Variants in TMEM132C observed in about 807,000 individuals in gnomAD.
TMEM132C encodes transmembrane protein 132C, also known as protein phosphatase 1, regulatory subunit 152.
TMEM132C carries 29 observed loss-of-function variants against 61.4 expected under a neutral mutation model. The observed-to-expected ratio is 0.47, with a 90% confidence interval of 0.35 to 0.64. The LOEUF (loss-of-function observed/expected upper bound fraction) is 0.64. Ranked by LOEUF, TMEM132C falls within the 30% of genes least tolerant of loss-of-function variation. The probability of loss-of-function intolerance (pLI) is 0.00; values close to 1 mark genes in which losing one functional copy is unlikely to be tolerated. For synonymous variants in TMEM132C, 656 were observed against 633.1 expected (o/e 1.04, Z -0.54); for missense variants, 1,408 against 1,476.9 (o/e 0.95, Z 0.76).
rs373444272 is a variant in TMEM132C, at chr12:128,565,267, A to G, written c.1121+21164A>G. On this transcript the variant is annotated intron_variant, in intron 3 of 8. Coordinates refer to ENST00000435159, the MANE Select transcript of TMEM132C (RefSeq NM_001136103.3). ...GATCTTGGAAGCAGATCCTTCTCCA[A>G]CTATGCCTTCATATAAGACCCCGGC... is the stretch of plus-strand genomic sequence containing the variant. 1.6e-4 allele frequency among the ~76,000 whole-genome samples: 24 copies of G among 152,312 alleles called. No homozygotes were observed. In the East Asian group the frequency reaches 2.1e-3, roughly 13 times the overall value.
chr12:128,399,265 T>C (rs1277733631), intron 1 of TMEM132C, among the ~76,000 whole-genome samples: 1 of 152,192 alleles, frequency 6.6e-6, no homozygotes, highest in Non-Finnish European at 1.5e-5. Flanking sequence ...ATAAGCTCTT[T>C]ATTTTTGAGG....
At chr12:128,400,809 C>T (rs1875131076) in intron 1 of TMEM132C, among the ~76,000 whole-genome samples, 1 of 151,886 alleles carries the variant, frequency 6.6e-6, no homozygotes, top group East Asian at 1.9e-4. Context: ...GGGGTTTCAC[C>T]ATGTTGGCCA....
intron 1 of TMEM132C, among the ~76,000 whole-genome samples, chr12:128,300,052 A>AACCT (rs1483152338): frequency 6.6e-6 from 1 of 152,232 alleles, no homozygotes; most frequent in Non-Finnish European, 1.5e-5. Context: ...CAAGACAGGT[A>AACCT]AGAGCAAGAG....
rs758763082 is a variant in TMEM132C, at chr12:128,665,455, TCACA to T, written c.1306-3953_1306-3950del. On this transcript the variant is annotated intron_variant, in intron 4 of 8. Coordinates refer to ENST00000435159, the MANE Select transcript of TMEM132C (RefSeq NM_001136103.3). ...CACATGTAGCCATACACGTAGGCACTCACACACACACAAACATAGGCGCACACAC... is the reference window on the plus strand; with the variant it reads ...CACATGTAGCCATACACGTAGGCACTCACACACAAACATAGGCGCACACAC... Among the ~76,000 whole-genome samples, 149 of 93,726 alleles carry T rather than the reference TCACA, an allele frequency of 1.6e-3. 2 individuals carry two copies. The highest frequency in any genetic ancestry group is 2.4e-3 in the Admixed American group (23 of 9,496). The allele number at this position is 93,726 out of a possible 152,430, so 61.5% of individuals were successfully genotyped here.
chr12:128,336,613 T>G (rs185799599), intron 1 of TMEM132C, among the ~76,000 whole-genome samples: 1 of 152,372 alleles, frequency 6.6e-6, no homozygotes, highest in East Asian at 1.9e-4. Flanking sequence ...ACTGCTACTA[T>G]GCACAGGAAT....
intron 2 of TMEM132C, among the ~76,000 whole-genome samples, chr12:128,478,508 T>G (rs908690479): frequency 4.6e-5 from 7 of 152,186 alleles, no homozygotes; most frequent in African/African-American, 1.7e-4. Context: ...TGGACTCTTA[T>G]CCCGGACTTT....
chr12:128,608,841 G>T (rs562190286), intron 3 of TMEM132C, among the ~76,000 whole-genome samples: 1 of 152,246 alleles, frequency 6.6e-6, no homozygotes, highest in South Asian at 2.1e-4. Flanking sequence ...GGAGGGGGAG[G>T]CTCAGGTTTC....
Position 128,570,639 on chromosome 12 carries a change from C to T in TMEM132C, c.1121+26536C>T, listed in dbSNP as rs1411445509. 3.3e-5 allele frequency among the ~76,000 whole-genome samples: 5 copies of T among 152,126 alleles called. No homozygotes were observed. The highest frequency in any genetic ancestry group is 7.3e-5 in the Non-Finnish European group (5 of 68,030). On this transcript the variant is annotated intron_variant, in intron 3 of 8. Transcript: ENST00000435159. This position sits in a 1 kb window ranked among gnomAD's most constrained non-coding sequence, Gnocchi z 4.7. Reference sequence around the variant, plus strand: ...TCCACAACGCCAGGGGACCCAGGCTCCTTTTCTCTTTCTGCTCTGCCATCT... The same window carrying T: ...TCCACAACGCCAGGGGACCCAGGCTTCTTTTCTCTTTCTGCTCTGCCATCT...
At chr12:128,557,361 T>C (rs1019623823) in intron 3 of TMEM132C, among the ~76,000 whole-genome samples, 13 of 152,198 alleles carry the variant, frequency 8.5e-5, no homozygotes, top group African/African-American at 3.1e-4. Context: ...TCAGCATCTG[T>C]CCTGAAATGA....
intron 1 of TMEM132C, among the ~76,000 whole-genome samples, chr12:128,408,651 C>T (rs1868401591): frequency 6.6e-6 from 1 of 152,140 alleles, no homozygotes. Context: ...CTCGGCAGGG[C>T]CTTTTGTGCA....
chr12:128,645,288 C>A (rs1954187644), intron 4 of TMEM132C, among the ~76,000 whole-genome samples: 1 of 152,152 alleles, frequency 6.6e-6, no homozygotes, highest in Non-Finnish European at 1.5e-5. Context: ...ATGGGCACCA[C>A]CCAGGCTGGG....
chr12:128,626,127 C>CTTTCT (rs545200287), intron 4 of TMEM132C, among the ~76,000 whole-genome samples: 9,963 of 139,024 alleles, frequency 0.072, 410 homozygotes, highest in African/African-American at 0.1. Flanking sequence ...TTCTTTCTTT[C>CTTTCT]TTTTTTTTTT....
chr12:128,644,858 G>A (rs921770649), intron 4 of TMEM132C, among the ~76,000 whole-genome samples: 1 of 152,150 alleles, frequency 6.6e-6, no homozygotes, highest in Non-Finnish European at 1.5e-5. Flanking sequence ...AAAAGTCCGC[G>A]ACAGGTAAGA....
In TMEM132C at chr12:128,522,184, G is replaced by A. The variant is rs942177446; in HGVS notation, c.975-21773G>A. On this transcript the variant is annotated intron_variant, in intron 2 of 8. Coordinates refer to ENST00000435159, the MANE Select transcript of TMEM132C (RefSeq NM_001136103.3). ...TATGTTCCCTGTAGCTATTTTGGAC[G>A]TACCCTTGTAACATCTTGTCATAAC... Among the ~76,000 whole-genome samples the A allele has an allele frequency of 3.9e-5, 6 of 152,192 alleles. No individual in the cohort carries two copies. The South Asian group carries it at 8.3e-4, about 21-fold the overall frequency.
intron 1 of TMEM132C, among the ~76,000 whole-genome samples, chr12:128,405,830 C>T (rs1875325392): frequency 6.6e-6 from 1 of 152,174 alleles, no homozygotes; most frequent in Non-Finnish European, 1.5e-5. Context: ...ACACCACCCT[C>T]AGTTGAAAGC....
intron 2 of TMEM132C, among the ~76,000 whole-genome samples, chr12:128,427,659 A>G (rs1565933118): frequency 6.6e-6 from 1 of 152,156 alleles, no homozygotes; most frequent in South Asian, 2.1e-4. Flanking sequence ...GTGAACGCAC[A>G]TCCACCAGGA....
chr12:128,331,098 GC>G, intron 1 of TMEM132C, among the ~76,000 whole-genome samples: 1 of 128,788 alleles, frequency 7.8e-6, no homozygotes, highest in South Asian at 2.4e-4. Context: ...CTTTCCCCCT[GC>G]CCCCCAGTCC....
chr12:128,345,915 A>G (rs1210679405), intron 1 of TMEM132C, among the ~76,000 whole-genome samples: 1 of 151,786 alleles, frequency 6.6e-6, no homozygotes, highest in Non-Finnish European at 1.5e-5. Context: ...TCAGTTGTTG[A>G]TTTTGTTGCA....
intron 4 of TMEM132C, among the ~76,000 whole-genome samples, chr12:128,665,477 G>GCA (rs1194648679): frequency 2.5e-5 from 3 of 118,220 alleles, no homozygotes; most frequent in Admixed American, 8.5e-5. Flanking sequence ...AAACATAGGC[G>GCA]CACACACACA....
Sources: allele counts gnomAD v4.1 joint callset (sites outside exome capture counted in the v4.1 genomes callset), GRCh38; gene constraint gnomAD v4.1.1; non-coding constraint Gnocchi (gnomAD v3.1); transcripts MANE v1.5; gene names NCBI Gene and HGNC (gene_info 2026-07-23, HGNC 2026-07-21).